AFF2: variants seen among roughly 807,000 people sequenced by gnomAD.
AFF2 encodes the protein ALF transcription elongation factor 2, also known as AF4/FMR2 family member 2.
In AFF2, 14 loss-of-function variants were observed where a neutral mutation model predicts 76.9. The ratio of observed to expected loss-of-function variants is 0.18; its 90% CI spans 0.12 to 0.28. AFF2 has a LOEUF of 0.28. AFF2 is among the 10% of genes least tolerant of loss of function. The pLI, the probability that AFF2 is intolerant of heterozygous loss-of-function variation, is 1.00. For synonymous variants in AFF2, 398 were observed against 366.7 expected, an observed-to-expected ratio of 1.09 and a Z score of -0.98; for missense variants, 868 against 1,001.1, an observed-to-expected ratio of 0.87 and a Z score of 1.79.
chrX:148,755,361 G>A (rs782799141), intron 3 of AFF2, among the ~76,000 whole-genome samples: 2 of 111,656 alleles, frequency 1.8e-5, no homozygotes, highest in African/African-American at 6.5e-5. Context: ...CCTTAAGTCT[G>A]ACCTAGCTCT....
At chrX:148,690,997 C>A (rs1206556290) in intron 3 of AFF2, among the ~76,000 whole-genome samples, 1 of 111,166 alleles carries the variant, frequency 9.0e-6, no homozygotes, top group African/African-American at 3.3e-5. Flanking sequence ...GATTAGGGCC[C>A]ACCCATATTC....
intron 3 of AFF2, among the ~76,000 whole-genome samples, chrX:148,701,052 G>GTGT (rs34411147): frequency 1.9e-5 from 2 of 107,640 alleles, no homozygotes; most frequent in Admixed American, 2.0e-4. Flanking sequence ...GTGTGTGTGT[G>GTGT]TTTTGTGCCC....
At chrX:148,955,378 G>C (rs1230995758) in intron 10 of AFF2, among the ~76,000 whole-genome samples, 1 of 112,632 alleles carries the variant, frequency 8.9e-6, no homozygotes, top group African/African-American at 3.2e-5. Flanking sequence ...GTCGAAATGA[G>C]CTTAAATAAG....
At position 148,926,194 on chromosome X, in the gene AFF2, A is replaced by G. The variant is rs1235249730; in HGVS notation, c.1397+21936A>G. ...TTATCTTGCAGCTCTACTGCTTCCC[A>G]TGTACTGTGCATTACGTAGAGAGTA... On this transcript the variant is annotated intron_variant, in intron 9 of 20. Transcript: ENST00000370460. 2.7e-5 allele frequency among the ~76,000 whole-genome samples: 3 copies of G among 111,651 alleles called. 1 individual carries two copies. Among genetic ancestry groups the G allele is most frequent in the African/African-American group, 9.8e-5 (3 of 30,658 alleles).
chrX:148,909,421 G>A (rs1433137395), intron 9 of AFF2, among the ~76,000 whole-genome samples: 1 of 111,897 alleles, frequency 8.9e-6, no homozygotes, highest in Admixed American at 9.5e-5. Context: ...ACTTATTAGT[G>A]TATGGCTAAT....
At chrX:148,580,640 G>C (rs782447932) in intron 1 of AFF2, among the ~76,000 whole-genome samples, 7 of 110,186 alleles carry the variant, frequency 6.4e-5, no homozygotes, top group Non-Finnish European at 1.1e-4. Flanking sequence ...TGAAGTTGTA[G>C]AAAAGACCAA....
intron 7 of AFF2, among the ~76,000 whole-genome samples, chrX:148,869,182 A>G (rs1557277104): frequency 8.9e-6 from 1 of 111,767 alleles, no homozygotes; most frequent in South Asian, 3.8e-4. Context: ...TAGAGACAGA[A>G]AGCAGATTAG....
In AFF2 at chrX:148,853,790, C is replaced by T. The variant is rs144750447; in HGVS notation, c.1262+10357C>T. ...ACTTAAAATCAATAACTATGTGTGCCACTCCTCTCCTAATTAGATATCCCC... is the reference window on the plus strand; with the variant it reads ...ACTTAAAATCAATAACTATGTGTGCTACTCCTCTCCTAATTAGATATCCCC... On this transcript the variant is annotated intron_variant, in intron 7 of 20. Transcript: ENST00000370460. 6.4e-3 allele frequency among the ~76,000 whole-genome samples: 722 copies of T among 112,077 alleles called. 17 individuals are homozygous for T. Among genetic ancestry groups the T allele is most frequent in the Admixed American group, 0.061 (647 of 10,570 alleles).
At chrX:148,549,674 G>A (rs2052968012) in intron 1 of AFF2, among the ~76,000 whole-genome samples, 1 of 111,742 alleles carries the variant, frequency 8.9e-6, no homozygotes, top group Non-Finnish European at 1.9e-5. Flanking sequence ...AAACCTGGAT[G>A]ATGACAATCA....
intron 9 of AFF2, among the ~76,000 whole-genome samples, chrX:148,936,952 A>C (rs1418874628): frequency 3.6e-5 from 4 of 112,205 alleles, no homozygotes; most frequent in African/African-American, 1.3e-4. Context: ...TACTCAGGTT[A>C]ATATGTGACA....
chrX:148,936,411 G>T, intron 9 of AFF2, among the ~76,000 whole-genome samples: 1 of 111,971 alleles, frequency 8.9e-6, no homozygotes, highest in Non-Finnish European at 1.9e-5. Context: ...AGTTAGCAGC[G>T]CACTCGGTAA....
At chrX:148,790,749 C>A (rs992391493) in intron 3 of AFF2, among the ~76,000 whole-genome samples, 6 of 111,315 alleles carry the variant, frequency 5.4e-5, no homozygotes, top group African/African-American at 2.0e-4. Flanking sequence ...GAGTTTAATA[C>A]CTAGGTGATG....
intron 1 of AFF2, among the ~76,000 whole-genome samples, chrX:148,577,487 G>A (rs1373152984): frequency 8.9e-6 from 1 of 111,983 alleles, no homozygotes; most frequent in African/African-American, 3.2e-5. Flanking sequence ...AGTGTCTAAG[G>A]CTCCCAAACC....
chrX:148,869,937 A>G (rs960072165), intron 7 of AFF2, among the ~76,000 whole-genome samples: 1 of 111,331 alleles, frequency 9.0e-6, no homozygotes, highest in Admixed American at 9.6e-5. Flanking sequence ...ATTAGGGATC[A>G]CCGTAAGGAC....
At chrX:148,521,722 A>G (rs1223190350) in intron 1 of AFF2, among the ~76,000 whole-genome samples, 3 of 111,947 alleles carry the variant, frequency 2.7e-5, no homozygotes, top group Admixed American at 9.5e-5. Flanking sequence ...TTACGTATGA[A>G]TATTTCAGAT....
Position 148,809,860 on chromosome X carries a change from G to T in AFF2, c.1042-16G>T. ...AAGTAGATTGTGCCTAATGTTTTCT[G>T]TTTATTTTGTTTCAGGTAAGCCTTC... On this transcript the variant is annotated splice_polypyrimidine_tract_variant and intron_variant, in intron 3 of 20. Coordinates refer to ENST00000370460, the MANE Select transcript of AFF2 (RefSeq NM_002025.4). The T allele has an allele frequency of 8.3e-7, 1 of 1,208,056 alleles. No homozygotes were observed. Among genetic ancestry groups the T allele is most frequent in the Non-Finnish European group, 1.1e-6 (1 of 892,573 alleles).
intron 1 of AFF2, among the ~76,000 whole-genome samples, chrX:148,600,705 CT>C (rs2053618060): frequency 8.9e-6 from 1 of 111,800 alleles, no homozygotes; most frequent in South Asian, 3.7e-4. Context: ...GCAGAACCTA[CT>C]CTTACTTGTT....
intron 1 of AFF2, among the ~76,000 whole-genome samples, chrX:148,540,716 C>G (rs1977466188): frequency 9.0e-6 from 1 of 111,031 alleles, no homozygotes; most frequent in Admixed American, 9.6e-5. Context: ...CCCTAGTGGC[C>G]TCAAATAAAT....
intron 7 of AFF2, among the ~76,000 whole-genome samples, chrX:148,844,617 A>T (rs1049946419): frequency 8.9e-6 from 1 of 111,870 alleles, no homozygotes; most frequent in Non-Finnish European, 1.9e-5. Flanking sequence ...TATGACATTC[A>T]AGTGGCCTAA....
Sources: allele counts gnomAD v4.1 joint callset (sites outside exome capture counted in the v4.1 genomes callset), GRCh38; gene constraint gnomAD v4.1.1; transcripts MANE v1.5; gene names NCBI Gene and HGNC (gene_info 2026-07-23, HGNC 2026-07-21).